Variants in PHTF1 observed in about 807,000 individuals in gnomAD.
The protein encoded by PHTF1 is putative homeodomain transcription factor 1, also known as protein PHTF1.
PHTF1 carries 88 observed loss-of-function variants against 102.4 expected under a neutral mutation model. That is an observed-to-expected ratio of 0.86 (90% CI 0.72 to 1.03). PHTF1 has a LOEUF of 1.03. PHTF1 is among the 50% of genes least tolerant of loss of function. The pLI, the probability that PHTF1 is intolerant of heterozygous loss-of-function variation, is 0.00. For missense variants in PHTF1, 814 were observed against 909.5 expected, an observed-to-expected ratio of 0.89 and a Z score of 1.35; for synonymous variants, 289 against 305.2, an observed-to-expected ratio of 0.95 and a Z score of 0.55.
intron 16 of PHTF1, 66 bp from the exon 17 acceptor site, chr1:113,699,865 G>A (rs1161455955): frequency 4.1e-6 from 3 of 725,698 alleles, no homozygotes; most frequent in Non-Finnish European, 6.8e-6. Flanking sequence ...CATAAAATCT[G>A]GCATATTTCA....
intron 8 of PHTF1, among the ~76,000 whole-genome samples, chr1:113,712,948 C>T (rs1466233744): frequency 2.0e-5 from 3 of 152,122 alleles, no homozygotes; most frequent in African/African-American, 4.8e-5. Context: ...CCCGCCAACA[C>T]GCCCGGCTAA....
At chr1:113,723,201 A>C (rs1653276080) in intron 7 of PHTF1, among the ~76,000 whole-genome samples, 1 of 147,644 alleles carries the variant, frequency 6.8e-6, no homozygotes. Flanking sequence ...TTTTTGAGAC[A>C]GGGTCACACT....
intron 5 of PHTF1, among the ~76,000 whole-genome samples, chr1:113,730,101 A>G (rs148472122): frequency 1.3e-5 from 2 of 152,336 alleles, no homozygotes; most frequent in East Asian, 3.9e-4. Context: ...TGGGGGACCC[A>G]AAACTATAGC....
At position 113,710,426 on chromosome 1, in the gene PHTF1, C is replaced by T. The variant is rs1650889461; in HGVS notation, c.1097G>A (p.Arg366Lys). The T allele has an allele frequency of 1.2e-6, 2 of 1,614,100 alleles. No individual in the cohort carries two copies. Among genetic ancestry groups the T allele is most frequent in the South Asian group, 1.1e-5 (1 of 91,078 alleles). The change falls in exon 11 of 19, where the codon AGA becomes AAA. Residue 366 changes from arginine (R) to lysine (K), a missense_variant. Physicochemically the swap from Arg to Lys is conservative, Grantham distance 26. Coordinates refer to ENST00000369604, the MANE Select transcript of PHTF1 (RefSeq NM_001323043.2). ...ATGGCGGGTGCTTTCTGAGTCTCTTCTTGACATGTTGAGGCTTCGAGAGCC... is the reference window on the plus strand; with the variant it reads ...ATGGCGGGTGCTTTCTGAGTCTCTTTTTGACATGTTGAGGCTTCGAGAGCC... ...SGGSRSLNMS[R>K]RDSESTRHDS...
intron 3 of PHTF1, among the ~76,000 whole-genome samples, chr1:113,740,760 T>C (rs1049885808): frequency 1.3e-5 from 2 of 152,192 alleles, no homozygotes; most frequent in African/African-American, 4.8e-5. Context: ...CCAGGTGCAG[T>C]GGCTCACCCC....
chr1:113,756,691 A>T (rs1278326282), intron 3 of PHTF1, among the ~76,000 whole-genome samples: 1 of 152,230 alleles, frequency 6.6e-6, no homozygotes, highest in East Asian at 1.9e-4. Context: ...CAAATGGCTT[A>T]ACCCCACAAC....
In PHTF1 at chr1:113,706,153, A is replaced by G; in HGVS notation, c.1408T>C (p.Tyr470His). The change falls in exon 13 of 19, where the codon TAT (tyrosine) becomes CAT (histidine). Residue 470 changes from tyrosine (Y) to histidine (H), a missense_variant. Coordinates refer to ENST00000369604, the MANE Select transcript of PHTF1 (RefSeq NM_001323043.2). ...SGIIMSRVNA[Y>H]QQGVGYQMLG... Reference sequence around the variant, plus strand: ...ATCTGATAACCTACTCCTTGCTGATAGGCATTGACCTGTGAATTAATTTAA... The same window carrying G: ...ATCTGATAACCTACTCCTTGCTGATGGGCATTGACCTGTGAATTAATTTAA... 6.2e-7 allele frequency: 1 copy of G among 1,611,272 alleles called. No homozygotes were observed. The highest frequency in any genetic ancestry group is 8.5e-7 in the Non-Finnish European group (1 of 1,178,386).
chr1:113,706,217 A>G, intron 12 of PHTF1, 55 bp from the exon 13 acceptor site: 2 of 1,435,598 alleles, frequency 1.4e-6, no homozygotes, highest in Non-Finnish European at 1.9e-6. Context: ...TGGAGTTACA[A>G]AGCAGTATTT....
At chr1:113,732,650 T>C (rs1654840042) in intron 5 of PHTF1, among the ~76,000 whole-genome samples, 1 of 152,154 alleles carries the variant, frequency 6.6e-6, no homozygotes, top group Admixed American at 6.5e-5. Flanking sequence ...AAAAATTTAA[T>C]ATATGGCATA....
In PHTF1 at chr1:113,738,176, T is replaced by C. The variant is rs1391099794; in HGVS notation, c.265A>G (p.Asn89Asp). ...VRVVFFPLFSNWWIQVTSLRI... is the reference protein window; with the variant it reads ...VRVVFFPLFSDWWIQVTSLRI... The stretch of plus-strand genomic sequence containing the variant: ...AAAGAGGTAACCTGAATCCACCAAT[T>C]GCTGAACAATGGAAAAAATACAACT... The change falls in exon 5 of 19, where the codon AAT (asparagine) becomes GAT (aspartate). Residue 89 changes from asparagine to aspartate, a missense_variant. Coordinates refer to ENST00000369604, the MANE Select transcript of PHTF1 (RefSeq NM_001323043.2). The C allele has an allele frequency of 6.2e-7, 1 of 1,612,920 alleles. No individual in the cohort carries two copies. Among genetic ancestry groups the C allele is most frequent in the Non-Finnish European group, 8.5e-7 (1 of 1,178,904 alleles).
At chr1:113,743,299 T>C (rs888288396) in intron 3 of PHTF1, among the ~76,000 whole-genome samples, 2 of 151,880 alleles carry the variant, frequency 1.3e-5, no homozygotes, top group African/African-American at 4.8e-5. Flanking sequence ...AAGGCCTACA[T>C]AGGGTCAGGA....
Position 113,699,737 on chromosome 1 carries a change from GT to G in PHTF1, c.2108del (p.Asn703ThrfsTer4), listed in dbSNP as rs1361359266. ...ACTTGGTGGACAGCTTTAATACATT[GT>G]TTACTAGAGTAAGCTGTTCTTTCTT... ...PNKKEQLTLV[N>X]NVLKLSTKLL... is the part of the protein sequence containing the mutation. On this transcript the variant is annotated frameshift_variant, in exon 17 of 19. Transcript: ENST00000369604. LOFTEE classifies it high-confidence loss of function. The G allele has an allele frequency of 6.8e-7, 1 of 1,463,330 alleles. No individual in the cohort carries two copies. Among genetic ancestry groups the G allele is most frequent in the Non-Finnish European group, 9.5e-7 (1 of 1,054,846 alleles). 90.6% of individuals were successfully genotyped at this position (1,463,330 alleles called of 1,614,324 possible). A position where few individuals can be genotyped will look rare whatever the true frequency, so the allele number is the denominator to read the frequency against.
intron 15 of PHTF1, chr1:113,703,828 C>A: frequency 2.4e-6 from 1 of 418,252 alleles, no homozygotes; most frequent in Non-Finnish European, 4.3e-6. Flanking sequence ...AGTTATTTTG[C>A]AACCATATGA....
chr1:113,720,512 A>T (rs1571148553), intron 7 of PHTF1, among the ~76,000 whole-genome samples: 2 of 152,250 alleles, frequency 1.3e-5, no homozygotes, highest in South Asian at 4.1e-4. Context: ...CAGTGCATGA[A>T]TCATTTTCAG....
chr1:113,710,301 G>A lies in PHTF1; in HGVS notation c.1222C>T (p.Leu408Phe), dbSNP rs1006884304. The change falls in exon 11 of 19, where the codon CTT becomes TTT. Residue 408 changes from leucine (L) to phenylalanine (F), a missense_variant. Leu to Phe is a conservative substitution (Grantham distance 22). Coordinates refer to ENST00000369604, the MANE Select transcript of PHTF1 (RefSeq NM_001323043.2). ...SDSEGAHVNT[L>F]HSGTKRDPKE... ...GGGTCACGTTTGGTCCCTGAGTGAAGGGTATTCACATGGGCCCCCTCACTG... is the reference window on the plus strand; with the variant it reads ...GGGTCACGTTTGGTCCCTGAGTGAAAGGTATTCACATGGGCCCCCTCACTG... The A allele has an allele frequency of 6.2e-7, 1 of 1,613,910 alleles. No individual in the cohort carries two copies. The highest frequency in any genetic ancestry group is 2.2e-5 in the East Asian group (1 of 44,884).
chr1:113,755,177 CTTTTATTTTTTGT>C (rs981105183), intron 3 of PHTF1, among the ~76,000 whole-genome samples: 11 of 150,630 alleles, frequency 7.3e-5, no homozygotes, highest in South Asian at 2.1e-4. Context: ...CTTATTTGTT[CTTTTATTTTTTGT>C]TTTTATTTTT....
At chr1:113,706,410 T>C (rs1474777418) in intron 12 of PHTF1, among the ~76,000 whole-genome samples, 184 bp downstream of exon 12, 1 of 151,990 alleles carries the variant, frequency 6.6e-6, no homozygotes, top group African/African-American at 2.4e-5. Context: ...ATGTATATAC[T>C]ACCATGTAAA....
chr1:113,711,516 C>T (rs941005396), intron 10 of PHTF1, among the ~76,000 whole-genome samples: 1 of 152,106 alleles, frequency 6.6e-6, no homozygotes, highest in Admixed American at 6.6e-5. Flanking sequence ...TAAGTAACCT[C>T]CTGCTGGGCA....
intron 6 of PHTF1, among the ~76,000 whole-genome samples, chr1:113,726,165 G>T (rs1223194985): frequency 1.3e-5 from 2 of 151,976 alleles, no homozygotes; most frequent in Non-Finnish European, 2.9e-5. Flanking sequence ...ATTTTATAAA[G>T]AATAATATAG....
Sources: allele counts gnomAD v4.1 joint callset (sites outside exome capture counted in the v4.1 genomes callset), GRCh38; gene constraint gnomAD v4.1.1; transcripts MANE v1.5; gene names NCBI Gene and HGNC (gene_info 2026-07-23, HGNC 2026-07-21).